Variants in VWF observed in about 807,000 individuals in gnomAD.
VWF encodes the protein von Willebrand factor, also known as Factor VIII related antigen.
VWF carries 176 observed loss-of-function variants against 308.6 expected under a neutral mutation model. The ratio of observed to expected loss-of-function variants is 0.57; its 90% CI spans 0.50 to 0.65. VWF has a LOEUF of 0.65. VWF is among the 30% of genes least tolerant of loss of function. VWF has a pLI of 0.00. For missense variants in VWF, 3,146 were observed against 3,648.2 expected, an observed-to-expected ratio of 0.86 and a Z score of 3.55; for synonymous variants, 1,385 against 1,443.4, an observed-to-expected ratio of 0.96 and a Z score of 0.92.
At chr12:6,070,689 G>C (rs1017481520) in intron 10 of VWF, among the ~76,000 whole-genome samples, 12 of 152,246 alleles carry the variant, frequency 7.9e-5, no homozygotes, top group African/African-American at 2.9e-4. Flanking sequence ...GGGCAGAAGG[G>C]AGCTTTGAAT....
At chr12:5,985,423 G>A (rs1943668471) in intron 39 of VWF, 140 bp downstream of exon 39, 2 of 962,156 alleles carry the variant, frequency 2.1e-6, no homozygotes, top group Admixed American at 2.1e-5. Flanking sequence ...AATGCAGGCT[G>A]GGCAAGGAAG....
intron 6 of VWF, among the ~76,000 whole-genome samples, chr12:6,087,517 C>G (rs987945764): frequency 7.0e-6 from 1 of 143,066 alleles, no homozygotes; most frequent in African/African-American, 2.7e-5. Context: ...CGCCACCACG[C>G]CCGGCTAATT....
chr12:6,072,525 T>C, intron 8 of VWF, 83 bp from the exon 9 acceptor site: 1 of 1,179,664 alleles, frequency 8.5e-7, no homozygotes, highest in African/African-American at 1.5e-5. Context: ...CCAGGGACAA[T>C]GGTTGGGTTT....
chr12:6,031,102 T>C (rs1944256622), intron 21 of VWF, among the ~76,000 whole-genome samples: 1 of 151,054 alleles, frequency 6.6e-6, no homozygotes, highest in Non-Finnish European at 1.5e-5. Flanking sequence ...CATCACTTCA[T>C]ACACACACAC....
rs1309666340 is a variant in VWF at position 6,056,882 on chromosome 12, G to A, written c.1920C>T (p.Val640=). 1.1e-4 allele frequency: 165 copies of A among 1,486,602 alleles called. No homozygotes were observed. The highest frequency in any genetic ancestry group is 1.4e-4 in the Non-Finnish European group (159 of 1,127,716). 92.1% of individuals were successfully genotyped at this position (1,486,602 alleles called of 1,614,324 possible). The change falls in exon 15 of 52, where the codon GTC becomes GTT. Residue 640 remains valine, a synonymous_variant. Transcript: ENST00000261405. ...AAACAGRGVR[V]AWREPGRCEL... The stretch of plus-strand genomic sequence containing the variant: ...CACAGCGGCCTGGCTCGCGCCACGC[G>A]ACGCGCACGCCTCTCCCCGCGCAGG...
intron 6 of VWF, among the ~76,000 whole-genome samples, chr12:6,086,227 C>T (rs897105567): frequency 1.3e-5 from 2 of 152,158 alleles, no homozygotes; most frequent in African/African-American, 4.8e-5. Context: ...ATTCTTGGAC[C>T]TCACTAAAGC....
chr12:6,110,480 G>T lies in VWF; in HGVS notation c.426C>A (p.Gly142=), dbSNP rs772915855. Reference sequence around the variant, plus strand: ...ACAGCAGGACTTGAAAGTTGCCGCTGCCATCGATCCTGGCCACAAAGCCAT... The same window carrying T: ...ACAGCAGGACTTGAAAGTTGCCGCTTCCATCGATCCTGGCCACAAAGCCAT... ...EAYGFVARID[G]SGNFQVLLSD... Residue 142 remains glycine (G), a synonymous_variant, in exon 5 of 52, where the codon GGC becomes GGA. Transcript: ENST00000261405. 1.2e-6 allele frequency: 2 copies of T among 1,614,176 alleles called. No individual in the cohort carries two copies. The highest frequency in any genetic ancestry group is 1.7e-6 in the Non-Finnish European group (2 of 1,180,034).
chr12:6,019,916 T>C lies in VWF; in HGVS notation c.3675-173A>G, dbSNP rs768012101. ...GTGAGATGTCATTGTTTAACATCTG[T>C]CCCCAAATAGCATGCCCCCCACCTT... On this transcript the variant is annotated intron_variant, in intron 27 of 51. Coordinates refer to ENST00000261405, the MANE Select transcript of VWF (RefSeq NM_000552.5). This position sits in a 1 kb window ranked among gnomAD's most constrained non-coding sequence, Gnocchi z 5.8. Among the ~76,000 whole-genome samples the C allele has an allele frequency of 2.6e-5, 4 of 152,112 alleles. No homozygotes were observed. Among genetic ancestry groups the C allele is most frequent in the Admixed American group, 1.3e-4 (2 of 15,272 alleles).
intron 25 of VWF, among the ~76,000 whole-genome samples, chr12:6,023,257 C>T (rs1034506977): frequency 9.2e-5 from 14 of 152,050 alleles, no homozygotes; most frequent in Non-Finnish European, 1.8e-4. Context: ...TTGCTTCTGT[C>T]CAAAGAAGCA....
At chr12:6,097,792 C>T (rs1945121088) in intron 5 of VWF, among the ~76,000 whole-genome samples, 1 of 152,228 alleles carries the variant, frequency 6.6e-6, no homozygotes, top group Non-Finnish European at 1.5e-5. Flanking sequence ...AAATTTGTGG[C>T]ATGTTGACTG....
chr12:5,994,595 C>T lies in VWF; in HGVS notation c.6076G>A (p.Gly2026Arg). Residue 2026 changes from glycine to arginine, a missense_variant, in exon 36 of 52, where the codon GGG becomes AGG. By Grantham distance (125) the Gly-to-Arg change is moderately radical. This residue lies in a region of VWF where 989 missense variants were observed against 1,117.4 expected (regional missense o/e 0.89). Coordinates refer to ENST00000261405, the MANE Select transcript of VWF (RefSeq NM_000552.5). The part of the protein sequence containing the change: ...LHSDMEVTVN[G>R]RLVSVPYVGG... The stretch of plus-strand genomic sequence containing the variant: ...ACGTAAGGAACAGAGACCAGTCTCC[C>T]ATTCACCGTCACCTGCACAAAGAAG... The T allele has an allele frequency of 6.2e-7, 1 of 1,613,976 alleles. No homozygotes were observed. The highest frequency in any genetic ancestry group is 8.5e-7 in the Non-Finnish European group (1 of 1,179,854).
chr12:6,066,633 T>C (rs1487101448), intron 10 of VWF, among the ~76,000 whole-genome samples: 1 of 152,196 alleles, frequency 6.6e-6, no homozygotes, highest in Non-Finnish European at 1.5e-5. Context: ...GAACAGATGC[T>C]AGACCAACGT....
chr12:6,055,642 T>C (rs1944568383), intron 15 of VWF, among the ~76,000 whole-genome samples: 2 of 152,060 alleles, frequency 1.3e-5, no homozygotes, highest in South Asian at 4.1e-4. Context: ...CCCAAAATAG[T>C]AGCACTTCTA....
At chr12:6,112,271 T>C (rs1945316380) in intron 3 of VWF, among the ~76,000 whole-genome samples, 1 of 152,124 alleles carries the variant, frequency 6.6e-6, no homozygotes, top group Non-Finnish European at 1.5e-5. Context: ...GTGGCCAGCA[T>C]GAAAGAGGAA....
At chr12:6,078,019 A>G (rs1944865155) in intron 6 of VWF, among the ~76,000 whole-genome samples, 1 of 152,166 alleles carries the variant, frequency 6.6e-6, no homozygotes, top group African/African-American at 2.4e-5. Flanking sequence ...CGGAAGACTT[A>G]CCTTAATAAA....
chr12:6,092,624 T>TGAGAGTGAGAGAGAGAGAGAGA (rs1180180618), intron 6 of VWF, among the ~76,000 whole-genome samples: 5 of 87,008 alleles, frequency 5.7e-5, no homozygotes, highest in African/African-American at 3.2e-4. Flanking sequence ...TGAGAGTGTG[T>TGAGAGTGAGAGAGAGAGAGAGA]GTGTGTGTGT....
At chr12:6,030,539 G>A (rs1944249181) in intron 21 of VWF, among the ~76,000 whole-genome samples, 1 of 152,164 alleles carries the variant, frequency 6.6e-6, no homozygotes, top group African/African-American at 2.4e-5. Flanking sequence ...ATCCAAAACT[G>A]TGGCCTGGGG....
intron 47 of VWF, among the ~76,000 whole-genome samples, chr12:5,963,978 T>C (rs191268013): frequency 0.038 from 5,852 of 152,070 alleles, 350 homozygotes; most frequent in African/African-American, 0.13. Flanking sequence ...GAGGCCAAGG[T>C]GGGCAGATCA....
chr12:6,085,463 GCA>G (rs1369667182), intron 6 of VWF, among the ~76,000 whole-genome samples: 3 of 152,156 alleles, frequency 2.0e-5, no homozygotes, highest in Non-Finnish European at 4.4e-5. Context: ...GCACTTATGG[GCA>G]CCATCAGATT....
Sources: gnomAD v4.1 joint callset for allele counts (sites outside exome capture counted in the v4.1 genomes callset) on GRCh38, gnomAD v4.1.1 for gene constraint, gnomAD v4.1.1 regional missense constraint, Gnocchi (gnomAD v3.1) non-coding constraint, MANE v1.5 for transcripts, NCBI Gene and HGNC (gene_info 2026-07-23, HGNC 2026-07-21) for gene names.